AFAP1: variants seen among roughly 807,000 people sequenced by gnomAD.
AFAP1 encodes actin filament associated protein 1.
Under a neutral mutation model 93.9 loss-of-function variants are expected in AFAP1, and 75 were observed. That is an observed-to-expected ratio of 0.80 (90% CI 0.66 to 0.97). The LOEUF (loss-of-function observed/expected upper bound fraction) is 0.97, where lower values mean the gene tolerates loss of function less well. AFAP1 is among the 50% of genes least tolerant of loss of function. The pLI is 0.00. For synonymous variants in AFAP1, 517 were observed against 430.7 expected (o/e 1.20, Z -2.48); for missense variants, 1,201 against 1,050.8 (o/e 1.14, Z -1.98).
chr4:7,843,335 G>A lies in AFAP1; in HGVS notation c.350C>T (p.Ala117Val), dbSNP rs116172792. ...EYITSNYDSD[A>V]MSSSYESYDE... ...ATACGACTCATAAGAGCTGCTCATCGCATCGGAATCATAATCTGTAAAAAA... is the reference window on the plus strand; with the variant it reads ...ATACGACTCATAAGAGCTGCTCATCACATCGGAATCATAATCTGTAAAAAA... Residue 117 changes from alanine to valine, a missense_variant, in exon 5 of 18, where the codon GCG becomes GTG. By Grantham distance (64) the Ala-to-Val change is moderately conservative (BLOSUM62 0). Coordinates refer to ENST00000420658, the MANE Select transcript of AFAP1 (RefSeq NM_001134647.2). 9.1e-5 allele frequency: 147 copies of A among 1,613,120 alleles called. 1 individual carries two copies. The highest frequency in any genetic ancestry group is 2.2e-4 in the East Asian group (10 of 44,852).
intron 6 of AFAP1, among the ~76,000 whole-genome samples, chr4:7,832,740 C>T (rs908493687): frequency 6.7e-6 from 1 of 149,986 alleles, no homozygotes; most frequent in Non-Finnish European, 1.5e-5. Context: ...GAAGGCATCA[C>T]ATTACCTGAT....
Position 7,874,530 on chromosome 4 carries a change from ATTTTTTTT to A in AFAP1, c.-2-2458_-2-2451del, listed in dbSNP as rs71175435. Among the ~76,000 whole-genome samples the A allele has an allele frequency of 8.2e-4, 42 of 51,504 alleles. 1 individual carries two copies. The highest frequency in any genetic ancestry group is 4.5e-3 in the African/African-American group (41 of 9,078). The allele number at this position is 51,504 out of a possible 152,430, so 33.8% of individuals were successfully genotyped here. A position where few individuals can be genotyped will look rare whatever the true frequency, so the allele number is the denominator to read the frequency against. ...AGGCACCTACCACCATGCCCAGCTAATTTTTTTTTTTTTTTTTTTTTTTTTTTTTTTTT... is the reference window on the plus strand; with the variant it reads ...AGGCACCTACCACCATGCCCAGCTAATTTTTTTTTTTTTTTTTTTTTTTTT... On this transcript the variant is annotated intron_variant, in intron 1 of 17. Transcript: ENST00000420658.
chr4:7,889,859 C>A (rs1345515247), intron 1 of AFAP1, among the ~76,000 whole-genome samples: 2 of 151,052 alleles, frequency 1.3e-5, no homozygotes, highest in Non-Finnish European at 2.9e-5. Context: ...TAAGAAAACA[C>A]CAGTCTATGT....
rs1381827648 is a variant in AFAP1 at position 7,778,887 on chromosome 4, A to G, written c.1783-11T>C. 6.4e-7 allele frequency: 1 copy of G among 1,568,056 alleles called. No individual in the cohort carries two copies. Among genetic ancestry groups the G allele is most frequent in the Admixed American group, 1.7e-5 (1 of 59,064 alleles). Reference sequence around the variant, plus strand: ...CTTTTTACCCTTGAGCTGTTGAAATAAACATATAAGAACATTAAAAATAAA... The same window carrying G: ...CTTTTTACCCTTGAGCTGTTGAAATGAACATATAAGAACATTAAAAATAAA... On this transcript the variant is annotated splice_polypyrimidine_tract_variant and intron_variant, in intron 13 of 17. Coordinates refer to ENST00000420658, the MANE Select transcript of AFAP1 (RefSeq NM_001134647.2).
At chr4:7,790,163 T>C (rs1717734797) in intron 11 of AFAP1, among the ~76,000 whole-genome samples, 1 of 152,218 alleles carries the variant, frequency 6.6e-6, no homozygotes, top group Non-Finnish European at 1.5e-5. Flanking sequence ...TTCATCACAC[T>C]GGCAAGCAAC....
At chr4:7,778,464 C>G (rs1231075966) in intron 14 of AFAP1, 1 of 461,902 alleles carries the variant, frequency 2.2e-6, no homozygotes, top group East Asian at 4.4e-5. Flanking sequence ...GACCTGGAGC[C>G]CAGGGCCACC....
At position 7,889,696 on chromosome 4, in the gene AFAP1, T is replaced by C. The variant is rs561734274; in HGVS notation, c.-2-17616A>G. On this transcript the variant is annotated intron_variant, in intron 1 of 17. Coordinates refer to ENST00000420658, the MANE Select transcript of AFAP1 (RefSeq NM_001134647.2). ...AACTGTACCTCAATGAAGCGTTTTT[T>C]TTTTTTTTAAAAAAAGAACAATTGA... 1.7e-3 allele frequency among the ~76,000 whole-genome samples: 153 copies of C among 87,574 alleles called. 1 individual carries two copies. The highest frequency in any genetic ancestry group is 4.6e-3 in the African/African-American group (150 of 32,812). 57.5% of individuals were successfully genotyped at this position (87,574 alleles called of 152,430 possible).
chr4:7,777,092 A>G (rs1716208063), intron 14 of AFAP1: 1 of 152,192 alleles, frequency 6.6e-6, no homozygotes, highest in South Asian at 2.1e-4. Flanking sequence ...TGACAGAGAA[A>G]CACCATGGCG....
chr4:7,933,130 TA>T (rs1162558228), intron 1 of AFAP1, among the ~76,000 whole-genome samples: 2 of 150,548 alleles, frequency 1.3e-5, no homozygotes, highest in Non-Finnish European at 3.0e-5. Context: ...CAGGCTGCTG[TA>T]GTAAGTGGAT....
At chr4:7,906,767 T>TC (rs1366121980) in intron 1 of AFAP1, among the ~76,000 whole-genome samples, 2 of 152,208 alleles carry the variant, frequency 1.3e-5, no homozygotes, top group Non-Finnish European at 2.9e-5. Flanking sequence ...ACGCCTGTAA[T>TC]CCCAGCACTT....
chr4:7,769,638 G>A (rs912190580), intron 16 of AFAP1, among the ~76,000 whole-genome samples: 3 of 143,982 alleles, frequency 2.1e-5, no homozygotes, highest in East Asian at 3.9e-4. Flanking sequence ...ATCCCAAACT[G>A]CTCTCTGGGG....
In AFAP1 at chr4:7,853,380, G is replaced by T. The variant is rs188836607; in HGVS notation, c.334+2086C>A. 1.3e-5 allele frequency among the ~76,000 whole-genome samples: 2 copies of T among 152,188 alleles called. 1 individual carries two copies. Among genetic ancestry groups the T allele is most frequent in the East Asian group, 3.9e-4 (2 of 5,154 alleles). ...CCTGAGAGAAATCTGGGAGTGATAG[G>T]GCAGAGGGGAGCAGTGGCCCCAGAC... On this transcript the variant is annotated intron_variant, in intron 4 of 17. Transcript: ENST00000420658.
intron 1 of AFAP1, among the ~76,000 whole-genome samples, chr4:7,882,060 C>T (rs1203496782): frequency 1.3e-5 from 2 of 152,114 alleles, no homozygotes; most frequent in African/African-American, 4.8e-5. Context: ...GACACGGGAT[C>T]CATGAATGCA....
chr4:7,838,491 T>C, intron 6 of AFAP1, 33 bp downstream of exon 6: 8 of 1,578,774 alleles, frequency 5.1e-6, no homozygotes, highest in Non-Finnish European at 6.9e-6. Flanking sequence ...CATGTGGAAC[T>C]GAAATGGCTG....
intron 3 of AFAP1, among the ~76,000 whole-genome samples, chr4:7,856,866 G>C (rs1303240091): frequency 6.6e-6 from 1 of 152,126 alleles, no homozygotes; most frequent in Non-Finnish European, 1.5e-5. Flanking sequence ...AGACACTTCT[G>C]CACTTGCCAC....
At chr4:7,764,926 G>C (rs569883254) in intron 17 of AFAP1, among the ~76,000 whole-genome samples, 1 of 152,070 alleles carries the variant, frequency 6.6e-6, no homozygotes, top group Non-Finnish European at 1.5e-5. Context: ...AGCAACTTAG[G>C]GAGACCCCAA....
At chr4:7,869,430 A>G (rs1220743260) in intron 2 of AFAP1, among the ~76,000 whole-genome samples, 1 of 152,178 alleles carries the variant, frequency 6.6e-6, no homozygotes, top group Non-Finnish European at 1.5e-5. Flanking sequence ...CTGGGAATCA[A>G]TAAATTTTTA....
At position 7,838,694 on chromosome 4, in the gene AFAP1, T is replaced by A. The variant is rs1712612423; in HGVS notation, c.556A>T (p.Ser186Cys). The change falls in exon 6 of 18, where the codon AGT becomes TGT. Residue 186 changes from serine to cysteine, a missense_variant. Ser to Cys is a moderately radical substitution (Grantham distance 112, BLOSUM62 -1). Coordinates refer to ENST00000420658, the MANE Select transcript of AFAP1 (RefSeq NM_001134647.2). Reference sequence around the variant, plus strand: ...ATCTGAGGCTGCTGGTCCTTGGAACTTTTATAGCACTGCATTCAACACAAC... The same window carrying A: ...ATCTGAGGCTGCTGGTCCTTGGAACATTTATAGCACTGCATTCAACACAAC... ...IKDTKLLCYK[S>C]SKDQQPQMEL... 2 of 1,614,086 alleles carry A rather than the reference T, an allele frequency of 1.2e-6. No homozygotes were observed. The highest frequency in any genetic ancestry group is 1.7e-6 in the Non-Finnish European group (2 of 1,179,982).
intron 10 of AFAP1, among the ~76,000 whole-genome samples, chr4:7,799,322 C>G (rs1275877876): frequency 1.3e-5 from 2 of 148,642 alleles, no homozygotes; most frequent in Non-Finnish European, 3.0e-5. Context: ...ATCTATTTTT[C>G]ATCCCCACCA....
Sources: gnomAD v4.1 joint callset for allele counts (sites outside exome capture counted in the v4.1 genomes callset) on GRCh38, gnomAD v4.1.1 for gene constraint, MANE v1.5 for transcripts, NCBI Gene and HGNC (gene_info 2026-07-23, HGNC 2026-07-21) for gene names.